Variants in AHNAK observed in about 807,000 individuals in gnomAD.
AHNAK encodes AHNAK nucleoprotein, also known as neuroblast differentiation-associated protein AHNAK.
A neutral mutation model predicts 37.8 loss-of-function variants in AHNAK; 23 were observed. The ratio of observed to expected loss-of-function variants is 0.61; its 90% CI spans 0.44 to 0.86. The LOEUF is 0.86. AHNAK is among the 40% of genes least tolerant of loss of function. The probability of loss-of-function intolerance (pLI) is 0.00; values close to 1 mark genes in which losing one functional copy is unlikely to be tolerated. For synonymous variants in AHNAK, 2,481 were observed against 2,636.3 expected (o/e 0.94, Z 1.80); for missense variants, 7,411 against 7,319.4 (o/e 1.01, Z -0.46).
intron 5 of AHNAK, among the ~76,000 whole-genome samples, chr11:62,439,025 G>A (rs1938240596): frequency 1.3e-5 from 2 of 151,424 alleles, no homozygotes; most frequent in South Asian, 2.1e-4. Context: ...CCTTAACAGA[G>A]GTGGCATCTT....
rs540629473 is a variant in AHNAK, at chr11:62,444,721, TGCGTCAGCTGATTACCTGATTTCATCTG to T, written c.443-10858_443-10831del. Among the ~76,000 whole-genome samples, 35 of 152,348 alleles carry T rather than the reference TGCGTCAGCTGATTACCTGATTTCATCTG, an allele frequency of 2.3e-4. No individual in the cohort carries two copies. The East Asian group carries it at 6.5e-3, about 29-fold the overall frequency. On this transcript the variant is annotated intron_variant, in intron 5 of 5. Transcript: ENST00000257247. ...ACGCATGCGCGATGGGCACTCCGGG[TGCGTCAGCTGATTACCTGATTTCATCTG>T]GGCAGATGTGATGGCACAAGGGCAG...
At chr11:62,514,398 G>A, downstream of AHNAK, among the ~76,000 whole-genome samples, 1 of 152,218 alleles carries the variant, frequency 6.6e-6, no homozygotes, top group African/African-American at 2.4e-5. Flanking sequence ...GGCCCAGTTA[G>A]GACAGACGGT....
Position 62,533,305 on chromosome 11 carries a change from T to A in AHNAK, c.1112A>T (p.Lys371Met), listed in dbSNP as rs755908176. The part of the protein sequence containing the change: ...ANIEGLEGKL[K>M]GPQITGPSLE... ...TGATGGCCCAGTGATTTGGGGGCCC[T>A]TCAGCTTCCCCTCAAGGCCCTCAAT... Residue 371 changes from lysine (K) to methionine (M), a missense_variant, in exon 5 of 5, where the codon AAG (lysine) becomes ATG (methionine). Coordinates refer to ENST00000378024, the MANE Select transcript of AHNAK (RefSeq NM_001620.3). The A allele has an allele frequency of 2.1e-5, 32 of 1,531,396 alleles. No homozygotes were observed. In the South Asian group the frequency reaches 3.8e-4, roughly 18 times the overall value. The allele number at this position is 1,531,396 out of a possible 1,614,324, so 94.9% of individuals were successfully genotyped here. A position where few individuals can be genotyped will look rare whatever the true frequency, so the allele number is the denominator to read the frequency against.
downstream of AHNAK, among the ~76,000 whole-genome samples, chr11:62,512,917 G>A (rs1240242991): frequency 6.6e-6 from 1 of 150,872 alleles, no homozygotes; most frequent in Non-Finnish European, 1.5e-5. This position sits in a 1 kb window ranked among gnomAD's most constrained non-coding sequence, Gnocchi z 4.0. Flanking sequence ...GAAGGCAAGG[G>A]AGGAAGGAAG....
intron 4 of AHNAK, among the ~76,000 whole-genome samples, chr11:62,507,149 G>A (rs113499282): frequency 6.6e-6 from 1 of 152,056 alleles, no homozygotes; most frequent in African/African-American, 2.4e-5. Context: ...TGGTACCAGA[G>A]CAAGCAGAAT....
At chr11:62,434,588 T>A (rs1423962218) in intron 5 of AHNAK, among the ~76,000 whole-genome samples, 1 of 152,062 alleles carries the variant, frequency 6.6e-6, no homozygotes, top group African/African-American at 2.4e-5. Context: ...ATCTTACACC[T>A]CCTGCGCTCA....
chr11:62,485,518 C>T (rs573528944), intron 5 of AHNAK, among the ~76,000 whole-genome samples: 2 of 151,820 alleles, frequency 1.3e-5, no homozygotes, highest in South Asian at 2.1e-4. Flanking sequence ...CTGGCTAACA[C>T]GGTGAAACCC....
rs760395241 is a variant in AHNAK, at chr11:62,533,495, T to C, written c.922A>G (p.Thr308Ala). 6.2e-7 allele frequency: 1 copy of C among 1,614,056 alleles called. No individual in the cohort carries two copies. The highest frequency in any genetic ancestry group is 2.2e-5 in the East Asian group (1 of 44,876). ...SGDHGKIKFP[T>A]MKVPKFGVST... is the part of the protein sequence containing the mutation. ...ACACCAAATTTCGGCACTTTCATGG[T>C]GGGAAATTTAATTTTGCCATGATCA... Residue 308 changes from threonine to alanine, a missense_variant, in exon 5 of 5, where the codon ACC (threonine) becomes GCC (alanine). Physicochemically the swap from Thr to Ala is moderately conservative, Grantham distance 58 (BLOSUM62 0). Transcript: ENST00000378024.
chr11:62,474,542 C>G (rs1939104659), intron 5 of AHNAK, among the ~76,000 whole-genome samples: 1 of 152,044 alleles, frequency 6.6e-6, no homozygotes, highest in Admixed American at 6.5e-5. Context: ...AGTGGAAGAA[C>G]TGAGAATTGC....
At chr11:62,439,516 C>T (rs2134777016) in intron 5 of AHNAK, among the ~76,000 whole-genome samples, 1 of 152,218 alleles carries the variant, frequency 6.6e-6, no homozygotes, top group East Asian at 1.9e-4. Context: ...ATCCTGGCAA[C>T]TTTGTCCAAT....
At position 62,531,869 on chromosome 11, in the gene AHNAK, G is replaced by A; in HGVS notation, c.2548C>T (p.Pro850Ser). 1 of 1,613,080 alleles carries A rather than the reference G, an allele frequency of 6.2e-7. No individual in the cohort carries two copies. Among genetic ancestry groups the A allele is most frequent in the Non-Finnish European group, 8.5e-7 (1 of 1,179,840 alleles). The change falls in exon 5 of 5, where the codon CCT becomes TCT. Residue 850 changes from proline (P) to serine (S), a missense_variant. Physicochemically the swap from Pro to Ser is moderately conservative, Grantham distance 74. Transcript: ENST00000378024. ...MPKVESEIKVPDVELKSAKMD... is the reference protein window; with the variant it reads ...MPKVESEIKVSDVELKSAKMD... ...TTGGCACTTTTAAGTTCAACATCAGGAACTTTAATCTCACTTTCAACCTTT... is the reference window on the plus strand; with the variant it reads ...TTGGCACTTTTAAGTTCAACATCAGAAACTTTAATCTCACTTTCAACCTTT...
chr11:62,482,664 G>A (rs1268703106), intron 5 of AHNAK, among the ~76,000 whole-genome samples: 1 of 152,136 alleles, frequency 6.6e-6, no homozygotes, highest in East Asian at 1.9e-4. Flanking sequence ...GAGGGTGAGT[G>A]CTTACTGTTA....
intron 4 of AHNAK, 81 bp downstream of exon 4, chr11:62,534,922 C>G: frequency 1.4e-6 from 2 of 1,460,110 alleles, no homozygotes; most frequent in Non-Finnish European, 9.4e-7. Context: ...TCCGGAGGCA[C>G]ATGGAAGGCT....
intron 5 of AHNAK, among the ~76,000 whole-genome samples, chr11:62,477,974 T>G (rs929491930): frequency 6.6e-6 from 1 of 151,998 alleles, no homozygotes; most frequent in Non-Finnish European, 1.5e-5. Flanking sequence ...TCTGGAACAT[T>G]TGAGGAAGCG....
intron 4 of AHNAK, among the ~76,000 whole-genome samples, chr11:62,498,578 T>C (rs1164017750): frequency 6.8e-6 from 1 of 147,094 alleles, no homozygotes; most frequent in Non-Finnish European, 1.5e-5. Flanking sequence ...GTGAGCAACA[T>C]AGTGAACCCA....
chr11:62,446,926 G>A (rs1938432155), intron 5 of AHNAK, among the ~76,000 whole-genome samples: 1 of 151,920 alleles, frequency 6.6e-6, no homozygotes, highest in Non-Finnish European at 1.5e-5. Context: ...CCCAGTGATG[G>A]TGCCACCTCT....
chr11:62,480,111 G>C (rs1294255516), intron 5 of AHNAK, among the ~76,000 whole-genome samples: 1 of 152,144 alleles, frequency 6.6e-6, no homozygotes, highest in Non-Finnish European at 1.5e-5. Context: ...GGAAGGTCAG[G>C]GCCCTGCTCC....
Position 62,521,611 on chromosome 11 carries a change from G to A in AHNAK, c.12806C>T (p.Pro4269Leu), listed in dbSNP as rs765211544. The A allele has an allele frequency of 6.2e-7, 1 of 1,612,072 alleles. No individual in the cohort carries two copies. The highest frequency in any genetic ancestry group is 1.7e-5 in the Admixed American group (1 of 59,744). The part of the protein sequence containing the change: ...MPDFDLHLKG[P>L]KVKGDVDVSL... ...AACATCCACATCACCCTTCACCTTG[G>A]GACCTTTCAGATGCAAATCAAAGTC... Residue 4269 changes from proline (P) to leucine (L), a missense_variant, in exon 5 of 5, where the codon CCC (proline) becomes CTC (leucine). Physicochemically the swap from Pro to Leu is moderately conservative, Grantham distance 98. Coordinates refer to ENST00000378024, the MANE Select transcript of AHNAK (RefSeq NM_001620.3).
intron 4 of AHNAK, among the ~76,000 whole-genome samples, chr11:62,504,094 G>A (rs1025917556): frequency 6.6e-6 from 1 of 151,990 alleles, no homozygotes; most frequent in Non-Finnish European, 1.5e-5. Context: ...TCAGGAGGTG[G>A]AGGTTGCAGT....
Sources: allele counts gnomAD v4.1 joint callset (sites outside exome capture counted in the v4.1 genomes callset), GRCh38; gene constraint gnomAD v4.1.1; non-coding constraint Gnocchi (gnomAD v3.1); transcripts MANE v1.5; gene names NCBI Gene and HGNC (gene_info 2026-07-23, HGNC 2026-07-21).